NEK11: variants seen among roughly 807,000 people sequenced by gnomAD.
NEK11 encodes serine/threonine-protein kinase Nek11.
In NEK11, 72 loss-of-function variants were observed where a neutral mutation model predicts 80.7. The observed-to-expected ratio is 0.89, with a 90% confidence interval of 0.74 to 1.08. The LOEUF is 1.08. Among genes scored for constraint, NEK11 ranks in the 50% least tolerant of loss-of-function variants. The pLI is 0.00. For missense variants in NEK11, 764 were observed against 763.6 expected, an observed-to-expected ratio of 1.00 and a Z score of -0.01; for synonymous variants, 251 against 260.7, an observed-to-expected ratio of 0.96 and a Z score of 0.36.
intron 14 of NEK11, among the ~76,000 whole-genome samples, chr3:131,192,023 A>G (rs1169426305): frequency 6.6e-6 from 1 of 152,220 alleles, no homozygotes; most frequent in Non-Finnish European, 1.5e-5. Context: ...ACGGGAGAGA[A>G]TATTTGCAAA....
At chr3:131,211,127 T>C (rs1299392985) in intron 14 of NEK11, among the ~76,000 whole-genome samples, 5 of 152,220 alleles carry the variant, frequency 3.3e-5, no homozygotes, top group Admixed American at 1.3e-4. Context: ...TTCCTTTCCA[T>C]GTTTAGTGCT....
chr3:131,154,987 T>A lies in NEK11; in HGVS notation c.877-49T>A, dbSNP rs368668086. 3.0e-5 allele frequency: 33 copies of A among 1,096,254 alleles called. No individual in the cohort carries two copies. The African/African-American group carries it at 5.1e-4, about 17-fold the overall frequency. 67.9% of individuals were successfully genotyped at this position (1,096,254 alleles called of 1,614,324 possible). A position where few individuals can be genotyped will look rare whatever the true frequency, so the allele number is the denominator to read the frequency against. On this transcript the variant is annotated intron_variant, in intron 9 of 17. Transcript: ENST00000383366. ...ATTCTTGGTAATTTATTCCCTTTCA[T>A]CCCTAAAGAGGAGCCTTTAAGATAT...
chr3:131,342,565 A>G (rs970242516), intron 17 of NEK11, among the ~76,000 whole-genome samples: 1 of 140,966 alleles, frequency 7.1e-6, no homozygotes, highest in African/African-American at 2.9e-5. Flanking sequence ...TTTTTTTTTC[A>G]AATTCATCCA....
At chr3:131,126,154 T>C (rs1049345571) in intron 5 of NEK11, among the ~76,000 whole-genome samples, 2 of 152,218 alleles carry the variant, frequency 1.3e-5, no homozygotes, top group African/African-American at 4.8e-5. Flanking sequence ...CTATTATTTT[T>C]ATTCAGGATT....
At chr3:131,039,845 A>G (rs997349928) in intron 3 of NEK11, among the ~76,000 whole-genome samples, 1 of 152,216 alleles carries the variant, frequency 6.6e-6, no homozygotes, top group African/African-American at 2.4e-5. Flanking sequence ...ATGTTTAAAT[A>G]GTGCACTTTG....
intron 14 of NEK11, among the ~76,000 whole-genome samples, chr3:131,198,788 G>A (rs969618801): frequency 6.6e-6 from 1 of 152,208 alleles, no homozygotes. Flanking sequence ...GCCTTCTTTA[G>A]AGCCTGGAAA....
At chr3:131,194,952 T>C (rs2093940296) in intron 14 of NEK11, among the ~76,000 whole-genome samples, 1 of 152,140 alleles carries the variant, frequency 6.6e-6, no homozygotes, top group Admixed American at 6.5e-5. Flanking sequence ...CTGTCATCTA[T>C]AACATGGATT....
At chr3:131,122,330 G>A (rs565184558) in intron 5 of NEK11, among the ~76,000 whole-genome samples, 1 of 152,304 alleles carries the variant, frequency 6.6e-6, no homozygotes, top group East Asian at 1.9e-4. Flanking sequence ...ACTTCTTGAG[G>A]ATATCCTGCA....
intron 5 of NEK11, among the ~76,000 whole-genome samples, chr3:131,115,768 C>T (rs1197772438): frequency 6.6e-6 from 1 of 152,034 alleles, no homozygotes; most frequent in Non-Finnish European, 1.5e-5. Context: ...TTGGTGCTTT[C>T]CAAGTAGAGG....
chr3:131,322,041 T>A (rs2096902460), intron 17 of NEK11, among the ~76,000 whole-genome samples: 1 of 152,192 alleles, frequency 6.6e-6, no homozygotes, highest in South Asian at 2.1e-4. Flanking sequence ...CATGCACATG[T>A]ATGTTCATCG....
intron 17 of NEK11, among the ~76,000 whole-genome samples, chr3:131,278,111 T>C (rs1210147435): frequency 6.6e-6 from 1 of 152,350 alleles, no homozygotes; most frequent in South Asian, 2.1e-4. Context: ...CGAAAAGTGC[T>C]AGTGCCAATT....
At chr3:131,201,471 A>G (rs1206781486) in intron 14 of NEK11, among the ~76,000 whole-genome samples, 1 of 152,178 alleles carries the variant, frequency 6.6e-6, no homozygotes, top group African/African-American at 2.4e-5. Context: ...TAGTAGAAAC[A>G]AAGGAAATGA....
At chr3:131,284,815 G>T (rs992659110) in intron 17 of NEK11, among the ~76,000 whole-genome samples, 1 of 152,266 alleles carries the variant, frequency 6.6e-6, no homozygotes, top group East Asian at 1.9e-4. Context: ...CAAGTGGTTT[G>T]CCAGGGGCTC....
chr3:131,042,871 G>C (rs2066745046), intron 3 of NEK11, among the ~76,000 whole-genome samples: 1 of 152,194 alleles, frequency 6.6e-6, no homozygotes, highest in Non-Finnish European at 1.5e-5. Context: ...GCTCTGGCTG[G>C]CATCTGGCAG....
intron 15 of NEK11, among the ~76,000 whole-genome samples, chr3:131,233,644 A>T (rs145447524): frequency 5.9e-5 from 9 of 152,308 alleles, no homozygotes; most frequent in African/African-American, 2.2e-4. Context: ...ATGAGCTGAG[A>T]GATATAAATC....
chr3:131,120,189 C>A (rs1262313407), intron 5 of NEK11, among the ~76,000 whole-genome samples: 1 of 152,188 alleles, frequency 6.6e-6, no homozygotes, highest in African/African-American at 2.4e-5. Context: ...GACAAAATCT[C>A]TCAGCATTTG....
At chr3:131,050,561 G>A (rs963604423) in intron 3 of NEK11, among the ~76,000 whole-genome samples, 1 of 152,166 alleles carries the variant, frequency 6.6e-6, no homozygotes, top group Non-Finnish European at 1.5e-5. Context: ...TACACCTAGA[G>A]TATCTTCTGG....
intron 3 of NEK11, among the ~76,000 whole-genome samples, chr3:131,034,321 A>G (rs1351473213): frequency 6.6e-6 from 1 of 152,216 alleles, no homozygotes; most frequent in African/African-American, 2.4e-5. Flanking sequence ...CACATTTAAG[A>G]TATAGTGATC....
chr3:131,321,636 T>C (rs2096897872), intron 17 of NEK11, among the ~76,000 whole-genome samples: 1 of 151,916 alleles, frequency 6.6e-6, no homozygotes. Flanking sequence ...TTTAAGGAGC[T>C]TAAATAATTA....
Sources: gnomAD v4.1 joint callset for allele counts (sites outside exome capture counted in the v4.1 genomes callset) on GRCh38, gnomAD v4.1.1 for gene constraint, MANE v1.5 for transcripts, NCBI Gene and HGNC (gene_info 2026-07-23, HGNC 2026-07-21) for gene names.